The following AOPEP variants were observed in gnomAD, a reference collection of about 807,000 sequenced individuals.
AOPEP encodes the protein aminopeptidase O (putative), also known as aminopeptidase O.
A neutral mutation model predicts 98.1 loss-of-function variants in AOPEP; 77 were observed. The observed-to-expected ratio is 0.78, with a 90% CI of 0.65 to 0.95. The LOEUF is 0.95. Among genes scored for constraint, AOPEP ranks in the 40% least tolerant of loss-of-function variants. The probability of loss-of-function intolerance (pLI) is 0.00; values close to 1 mark genes in which losing one functional copy is unlikely to be tolerated. For synonymous variants in AOPEP, 346 were observed against 365.3 expected (o/e 0.95, Z 0.60); for missense variants, 1,024 against 1,024.7 (o/e 1.00, Z 0.01).
chr9:94,744,701 C>CAA (rs757571360), intron 1 of AOPEP, among the ~76,000 whole-genome samples: 6,250 of 55,098 alleles, frequency 0.11, 422 homozygotes, highest in African/African-American at 0.21. Context: ...GACTCTGTCT[C>CAA]AAAAAAAAAA....
intron 14 of AOPEP, among the ~76,000 whole-genome samples, chr9:95,066,145 C>A (rs986793361): frequency 1.3e-5 from 2 of 152,082 alleles, no homozygotes; most frequent in Non-Finnish European, 2.9e-5. Context: ...TTTTCTTTGT[C>A]TTATTTGGTT....
chr9:94,736,237 A>G (rs768746174), intron 1 of AOPEP, among the ~76,000 whole-genome samples: 1 of 152,150 alleles, frequency 6.6e-6, no homozygotes, highest in Non-Finnish European at 1.5e-5. Context: ...GGATTTGAGG[A>G]GTCTGTATCT....
At chr9:95,021,824 C>A (rs2063480893) in intron 13 of AOPEP, 1 of 152,238 alleles carries the variant, frequency 6.6e-6, no homozygotes, top group Admixed American at 6.5e-5. Context: ...GGAAGAGTCA[C>A]TGTCATCAGG....
the AOPEP span, among the ~76,000 whole-genome samples, chr9:95,108,623 GCTTT>G: frequency 2.0e-5 from 3 of 152,194 alleles, no homozygotes; most frequent in Admixed American, 1.3e-4. Context: ...AAAGATAAAA[GCTTT>G]CTTTTCTTTT....
At chr9:94,876,534 T>G (rs1242097845) in intron 5 of AOPEP, among the ~76,000 whole-genome samples, 2 of 151,922 alleles carry the variant, frequency 1.3e-5, no homozygotes, top group South Asian at 2.1e-4. Context: ...CCTGGCTAAT[T>G]TTTTGTATTT....
chr9:94,911,642 ATTTTTTAAAAAAAGCT>A (rs2052054574), intron 5 of AOPEP, among the ~76,000 whole-genome samples: 2 of 152,220 alleles, frequency 1.3e-5, no homozygotes, highest in Non-Finnish European at 2.9e-5. Flanking sequence ...GGCAAAAGAA[ATTTTTTAAAAAAAGCT>A]TTTCTCAAGA....
chr9:94,935,699 G>A (rs577563806), intron 7 of AOPEP, among the ~76,000 whole-genome samples: 3 of 152,292 alleles, frequency 2.0e-5, no homozygotes, highest in Admixed American at 6.5e-5. Flanking sequence ...AAGGGCTGGT[G>A]TGCACACGGG....
intron 2 of AOPEP, chr9:94,763,187 A>T (rs553966264): frequency 2.4e-6 from 1 of 409,354 alleles, no homozygotes; most frequent in East Asian, 7.8e-5. Context: ...GAGAAAGAGA[A>T]TGACTTTTTT....
the AOPEP span, among the ~76,000 whole-genome samples, chr9:95,139,217 T>G: frequency 6.6e-6 from 1 of 152,016 alleles, no homozygotes; most frequent in Non-Finnish European, 1.5e-5. Context: ...TAATTAACAG[T>G]AAAGGAAGGG....
intron 13 of AOPEP, chr9:95,019,647 T>G (rs1177418004): frequency 6.6e-6 from 1 of 152,212 alleles, no homozygotes; most frequent in Non-Finnish European, 1.5e-5. Flanking sequence ...TACTCTAGTT[T>G]TCTGTGAAAT....
At chr9:95,143,330 C>A in the AOPEP span, among the ~76,000 whole-genome samples, 2 of 152,110 alleles carry the variant, frequency 1.3e-5, no homozygotes, top group African/African-American at 4.8e-5. Flanking sequence ...GGAGGTCTCA[C>A]AATGTAAGCA....
chr9:95,011,564 C>T (rs2062526745), intron 13 of AOPEP, among the ~76,000 whole-genome samples: 1 of 152,036 alleles, frequency 6.6e-6, no homozygotes, highest in Non-Finnish European at 1.5e-5. Context: ...AATCCAAGCA[C>T]TTTGGGAGAC....
At chr9:94,992,777 G>GGTGCATCT in intron 11 of AOPEP, among the ~76,000 whole-genome samples, 1 of 152,224 alleles carries the variant, frequency 6.6e-6, no homozygotes, top group Non-Finnish European at 1.5e-5. Flanking sequence ...GGCCTGCAAT[G>GGTGCATCT]CAGGTGTACC....
At chr9:94,741,358 C>T (rs894613400) in intron 1 of AOPEP, among the ~76,000 whole-genome samples, 5 of 151,818 alleles carry the variant, frequency 3.3e-5, no homozygotes, top group Admixed American at 1.3e-4. Flanking sequence ...CTGCAAGCTC[C>T]GCCTCCCAGG....
intron 5 of AOPEP, among the ~76,000 whole-genome samples, chr9:94,819,676 T>C (rs1852547203): frequency 6.6e-6 from 1 of 151,176 alleles, no homozygotes; most frequent in South Asian, 2.1e-4. Flanking sequence ...CCAGGCTCAA[T>C]CAGTCCTCCT....
intron 2 of AOPEP, among the ~76,000 whole-genome samples, chr9:94,771,514 A>G (rs371018509): frequency 6.6e-6 from 1 of 152,094 alleles, no homozygotes; most frequent in East Asian, 1.9e-4. Context: ...GCTGAGATCC[A>G]TTTTCTGCTC....
chr9:94,960,689 C>T (rs2058755944), intron 9 of AOPEP, among the ~76,000 whole-genome samples: 2 of 152,058 alleles, frequency 1.3e-5, no homozygotes, highest in South Asian at 4.1e-4. Flanking sequence ...TGCAGACTCA[C>T]AGGCTCTATT....
intron 13 of AOPEP, among the ~76,000 whole-genome samples, chr9:95,043,294 G>A (rs535634474): frequency 6.7e-6 from 1 of 148,672 alleles, no homozygotes; most frequent in African/African-American, 2.5e-5. Context: ...AGATACATCT[G>A]TATATGCACA....
At chr9:95,125,257 A>C in the AOPEP span, 1 of 1,238,422 alleles carries the variant, frequency 8.1e-7, no homozygotes, top group Non-Finnish European at 1.2e-6. Context: ...TGCACTGTAT[A>C]AGGGAAAAGT....
Sources: allele counts gnomAD v4.1 joint callset (sites outside exome capture counted in the v4.1 genomes callset), GRCh38; gene constraint gnomAD v4.1.1; transcripts MANE v1.5; gene names NCBI Gene and HGNC (gene_info 2026-07-23, HGNC 2026-07-21).